The following RAPGEF4 variants were observed in gnomAD, a reference collection of about 807,000 sequenced individuals.
RAPGEF4 encodes the protein Rap guanine nucleotide exchange factor 4.
RAPGEF4 carries 66 observed loss-of-function variants against 147.9 expected under a neutral mutation model. That is an observed-to-expected ratio of 0.45 (90% CI 0.37 to 0.55). The LOEUF (loss-of-function observed/expected upper bound fraction) is 0.55, where lower values mean the gene tolerates loss of function less well. RAPGEF4 is among the 20% of genes least tolerant of loss of function. The pLI is 0.00. For synonymous variants in RAPGEF4, 419 were observed against 442.7 expected (o/e 0.95, Z 0.67); for missense variants, 1,071 against 1,257.3 (o/e 0.85, Z 2.24).
intron 10 of RAPGEF4, among the ~76,000 whole-genome samples, chr2:172,977,774 C>G (rs1691237564): frequency 6.6e-6 from 1 of 152,196 alleles, no homozygotes; most frequent in Non-Finnish European, 1.5e-5. Flanking sequence ...TGTTGCTTTG[C>G]TAGCTGTGTA....
chr2:172,741,208 C>A (rs550444771), intron 1 of RAPGEF4, among the ~76,000 whole-genome samples: 1 of 152,238 alleles, frequency 6.6e-6, no homozygotes, highest in Non-Finnish European at 1.5e-5. Context: ...ACACTTTGGT[C>A]CCACTCTGTA....
intron 1 of RAPGEF4, among the ~76,000 whole-genome samples, chr2:172,761,255 A>C (rs945343168): frequency 6.6e-6 from 1 of 151,856 alleles, no homozygotes; most frequent in Non-Finnish European, 1.5e-5. Flanking sequence ...CCTCCTGAGT[A>C]GCTGGGATTA....
At chr2:172,962,328 CAAATTCA>C (rs1378695224) in intron 8 of RAPGEF4, among the ~76,000 whole-genome samples, 1 of 152,116 alleles carries the variant, frequency 6.6e-6, no homozygotes, top group Non-Finnish European at 1.5e-5. Flanking sequence ...TCACAGGAAC[CAAATTCA>C]TAAGACACAC....
chr2:172,925,041 C>T (rs1685138487), intron 6 of RAPGEF4, among the ~76,000 whole-genome samples: 2 of 152,192 alleles, frequency 1.3e-5, no homozygotes, highest in Admixed American at 1.3e-4. Context: ...TCCGCAGTGG[C>T]ATGATCTCAG....
chr2:172,779,581 C>A (rs1684497357), intron 1 of RAPGEF4, among the ~76,000 whole-genome samples: 1 of 151,992 alleles, frequency 6.6e-6, no homozygotes, highest in South Asian at 2.1e-4. Flanking sequence ...GACATGGGGG[C>A]CAGGTGATGT....
intron 1 of RAPGEF4, among the ~76,000 whole-genome samples, chr2:172,783,587 A>G (rs1192667162): frequency 2.6e-5 from 4 of 152,186 alleles, no homozygotes; most frequent in South Asian, 4.1e-4. Flanking sequence ...GGCTCCTTCA[A>G]AGGGGTTTTT....
At chr2:173,010,614 C>G (rs1192633250) in intron 17 of RAPGEF4, among the ~76,000 whole-genome samples, 1 of 152,086 alleles carries the variant, frequency 6.6e-6, no homozygotes, top group Non-Finnish European at 1.5e-5. Context: ...TTGGCTGCTA[C>G]CTGAAGGGAA....
chr2:172,784,808 T>G (rs1685034503), intron 1 of RAPGEF4, among the ~76,000 whole-genome samples: 1 of 152,112 alleles, frequency 6.6e-6, no homozygotes, highest in Non-Finnish European at 1.5e-5. Context: ...TGTGTCTAAA[T>G]GTGTGTAAAA....
intron 4 of RAPGEF4, among the ~76,000 whole-genome samples, chr2:172,871,505 C>T (rs1018590173): frequency 2.0e-5 from 3 of 151,968 alleles, no homozygotes; most frequent in South Asian, 2.1e-4. Flanking sequence ...CATTTTATAT[C>T]GTTGAGTAAA....
chr2:172,939,505 G>A (rs1686934405), intron 6 of RAPGEF4, among the ~76,000 whole-genome samples: 1 of 152,008 alleles, frequency 6.6e-6, no homozygotes, highest in African/African-American at 2.4e-5. Context: ...CTTATTGTTT[G>A]GAGAATTCTT....
chr2:172,920,841 G>A (rs1684671660), intron 5 of RAPGEF4, among the ~76,000 whole-genome samples: 1 of 152,104 alleles, frequency 6.6e-6, no homozygotes, highest in South Asian at 2.1e-4. Flanking sequence ...TGGATGATTT[G>A]GGATGAGCTT....
intron 4 of RAPGEF4, among the ~76,000 whole-genome samples, chr2:172,877,339 G>A (rs1696073708): frequency 1.3e-5 from 2 of 152,070 alleles, no homozygotes; most frequent in African/African-American, 4.8e-5. Context: ...GACACAGGGA[G>A]GGGAACATCA....
At chr2:173,026,837 A>G in intron 24 of RAPGEF4, 140 bp downstream of exon 24, 1 of 1,222,128 alleles carries the variant, frequency 8.2e-7, no homozygotes, top group African/African-American at 1.5e-5. Context: ...CTTATAAATA[A>G]AGCATGCTAT....
chr2:172,875,835 C>G (rs990021656), intron 4 of RAPGEF4, among the ~76,000 whole-genome samples: 1 of 152,106 alleles, frequency 6.6e-6, no homozygotes, highest in Non-Finnish European at 1.5e-5. Context: ...TTACCTTGGG[C>G]AGTATGGCCA....
intron 30 of RAPGEF4, among the ~76,000 whole-genome samples, chr2:173,050,524 G>A (rs1295130124): frequency 6.6e-6 from 1 of 151,606 alleles, no homozygotes; most frequent in Non-Finnish European, 1.5e-5. Context: ...CAACCAGACT[G>A]CAGAAGGCAG....
At position 172,883,739 on chromosome 2, in the gene RAPGEF4, C is replaced by G. The variant is rs941175109; in HGVS notation, c.445-34063C>G. On this transcript the variant is annotated intron_variant, in intron 4 of 30. Transcript: ENST00000397081. ...GGAAGCCCGCTTCAGTTGGCAGTGT[C>G]TGGGAGAGGACTTAAGCCACAGAAT... 2.0e-5 allele frequency among the ~76,000 whole-genome samples: 3 copies of G among 152,058 alleles called. No individual in the cohort carries two copies. In the East Asian group the frequency reaches 5.8e-4, roughly 29 times the overall value.
intron 4 of RAPGEF4, among the ~76,000 whole-genome samples, chr2:172,826,846 C>G (rs559085904): frequency 1.0e-3 from 155 of 152,010 alleles, no homozygotes; most frequent in Non-Finnish European, 1.7e-3. Flanking sequence ...GTAGCATGTG[C>G]CTGTAGCCAT....
At chr2:172,821,627 T>A in intron 4 of RAPGEF4, 1 of 1,012,630 alleles carries the variant, frequency 9.9e-7, no homozygotes, top group Non-Finnish European at 1.2e-6. Flanking sequence ...GACTTGGACT[T>A]ATGTCTGCAC....
At chr2:172,793,945 G>A (rs1320850417) in intron 1 of RAPGEF4, among the ~76,000 whole-genome samples, 1 of 152,080 alleles carries the variant, frequency 6.6e-6, no homozygotes, top group Non-Finnish European at 1.5e-5. Context: ...AGACCAGCCT[G>A]GGCAATATGA....
Sources: allele counts gnomAD v4.1 joint callset (sites outside exome capture counted in the v4.1 genomes callset), GRCh38; gene constraint gnomAD v4.1.1; transcripts MANE v1.5; gene names NCBI Gene and HGNC (gene_info 2026-07-23, HGNC 2026-07-21).